The following ASB2 variants were observed in gnomAD, a reference collection of about 807,000 sequenced individuals.
The protein encoded by ASB2 is ankyrin repeat and SOCS box containing 2.
ASB2 carries 58 observed loss-of-function variants against 62.4 expected under a neutral mutation model. The ratio of observed to expected loss-of-function variants is 0.93; its 90% CI spans 0.75 to 1.16. The LOEUF is 1.16. Ranked by LOEUF, ASB2 falls within the 50% of genes most tolerant of loss-of-function variation. The pLI is 0.00. For synonymous variants in ASB2, 386 were observed against 385.3 expected (o/e 1.00, Z -0.02); for missense variants, 928 against 887.9 (o/e 1.05, Z -0.57).
intron 1 of ASB2, among the ~76,000 whole-genome samples, chr14:93,969,555 G>A (rs559529756): frequency 6.6e-6 from 1 of 152,310 alleles, no homozygotes; most frequent in South Asian, 2.1e-4. Context: ...CTCTGTCTGG[G>A]GGTTGGGCGG....
At chr14:93,961,751 G>C (rs59530016) in intron 2 of ASB2, among the ~76,000 whole-genome samples, 277 of 152,356 alleles carry the variant, frequency 1.8e-3, no homozygotes, top group African/African-American at 5.7e-3. Context: ...ACTGTAATGC[G>C]TGTCTGGGTG....
At chr14:93,939,083 C>T (rs1303788705) in intron 8 of ASB2, 25 bp downstream of exon 8, 1 of 1,436,720 alleles carries the variant, frequency 7.0e-7, no homozygotes, top group South Asian at 1.5e-5. Flanking sequence ...AGGCGTGCTC[C>T]CCACCGCCAG....
chr14:93,964,403 G>C lies in ASB2; in HGVS notation c.137C>G (p.Pro46Arg). 6.5e-7 allele frequency: 1 copy of C among 1,536,078 alleles called. No homozygotes were observed. Among genetic ancestry groups the C allele is most frequent in the African/African-American group, 1.4e-5 (1 of 73,134 alleles). The change falls in exon 2 of 10, where the codon CCA (proline) becomes CGA (arginine). Residue 46 changes from proline to arginine, a missense_variant. Physicochemically the swap from Pro to Arg is moderately radical, Grantham distance 103. Coordinates refer to ENST00000555019, the MANE Select transcript of ASB2 (RefSeq NM_001202429.2). ...AGACGCGGTGGCCTCAGCAGTGGTT[G>C]GGCCCCTTGTCTTGTCCGCTAGGCT... ...EQSLADKTRG[P>R]TTAEATASAC... is the part of the protein sequence containing the mutation.
intron 2 of ASB2, among the ~76,000 whole-genome samples, chr14:93,961,983 TA>T (rs1567030470): frequency 1.3e-5 from 2 of 152,092 alleles, no homozygotes; most frequent in Non-Finnish European, 2.9e-5. Flanking sequence ...TTGTCGTCTG[TA>T]AAATGGGCAC....
chr14:93,973,609 C>T lies in ASB2; in HGVS notation c.-74+2825G>A, dbSNP rs1034025888. 3.3e-5 allele frequency among the ~76,000 whole-genome samples: 5 copies of T among 152,242 alleles called. No individual in the cohort carries two copies. The East Asian group carries it at 9.6e-4, about 29-fold the overall frequency. ...CAGTTTACTTCTTTGGGCCCCTGAG[C>T]TATTGAGTCTCCAGGCCCATGGGTG... On this transcript the variant is annotated intron_variant, in intron 1 of 9. Coordinates refer to ENST00000555019, the MANE Select transcript of ASB2 (RefSeq NM_001202429.2).
chr14:93,963,072 C>T (rs1332819661), intron 2 of ASB2, among the ~76,000 whole-genome samples: 2 of 152,230 alleles, frequency 1.3e-5, no homozygotes, highest in African/African-American at 2.4e-5. Context: ...TGGGCCTCTG[C>T]CCAGCCAGCC....
At chr14:93,940,145 A>G in intron 7 of ASB2, 1 of 157,690 alleles carries the variant, frequency 6.3e-6, no homozygotes, top group Non-Finnish European at 1.4e-5. Context: ...TCCTCCCTGC[A>G]GGAGGCAGTA....
At position 93,956,890 on chromosome 14, in the gene ASB2, A is replaced by G. The variant is rs373447573; in HGVS notation, c.207-20T>C. 4.6e-5 allele frequency: 75 copies of G among 1,614,000 alleles called. No homozygotes were observed. The Middle Eastern group carries it at 4.9e-4, about 11-fold the overall frequency. ...GTGGACCTGGAGGGTGCAGAGCAGG[A>G]GTGAAAGAGGGAAAAGTACTCTGCA... On this transcript the variant is annotated intron_variant, in intron 2 of 9. Transcript: ENST00000555019.
At position 93,947,710 on chromosome 14, in the gene ASB2, G is replaced by A. The variant is rs11622791; in HGVS notation, c.881-190C>T. On this transcript the variant is annotated intron_variant, in intron 6 of 9. Transcript: ENST00000555019. ...TCTTTCAACAACATCAAGACCTAGG[G>A]GCCTGGCCAGGCGTGGCTCATGCCT... Among the ~76,000 whole-genome samples, 466 of 152,230 alleles carry A rather than the reference G, an allele frequency of 3.1e-3. 1 individual carries two copies. Among genetic ancestry groups the A allele is most frequent in the Middle Eastern group, 0.014 (4 of 294 alleles).
chr14:93,959,735 G>A (rs1889344586), intron 2 of ASB2, among the ~76,000 whole-genome samples: 1 of 152,076 alleles, frequency 6.6e-6, no homozygotes, highest in African/African-American at 2.4e-5. Flanking sequence ...GTCAGCCTCA[G>A]TGAGAGCAGA....
intron 7 of ASB2, among the ~76,000 whole-genome samples, chr14:93,944,838 C>T (rs139411166): frequency 6.1e-4 from 93 of 152,334 alleles, no homozygotes; most frequent in Admixed American, 1.4e-3. Flanking sequence ...CAGGACGCGC[C>T]TTACTCTCTG....
intron 1 of ASB2, among the ~76,000 whole-genome samples, chr14:93,970,873 G>C (rs1889738169): frequency 6.6e-6 from 1 of 152,204 alleles, no homozygotes; most frequent in Admixed American, 6.5e-5. Context: ...GGTGTTGTCA[G>C]GTGAAATTAG....
At position 93,957,292 on chromosome 14, in the gene ASB2, A is replaced by G. The variant is rs554160033; in HGVS notation, c.207-422T>C. 5.9e-5 allele frequency: 66 copies of G among 1,110,598 alleles called. No individual in the cohort carries two copies. In the African/African-American group the frequency reaches 9.0e-4, roughly 15 times the overall value. The allele number at this position is 1,110,598 out of a possible 1,614,324, so 68.8% of individuals were successfully genotyped here. A position where few individuals can be genotyped will look rare whatever the true frequency, so the allele number is the denominator to read the frequency against. Reference sequence around the variant, plus strand: ...GCAGATCCCTGCGGGGCTGGATGAGAGATTCATGGCAAAGCAGAGGATAGG... The same window carrying G: ...GCAGATCCCTGCGGGGCTGGATGAGGGATTCATGGCAAAGCAGAGGATAGG... On this transcript the variant is annotated intron_variant, in intron 2 of 9. Coordinates refer to ENST00000555019, the MANE Select transcript of ASB2 (RefSeq NM_001202429.2).
intron 1 of ASB2, among the ~76,000 whole-genome samples, chr14:93,964,835 G>A (rs1187135332): frequency 6.6e-6 from 1 of 150,840 alleles, no homozygotes; most frequent in Non-Finnish European, 1.5e-5. Context: ...ATCCATTTAT[G>A]CATCCTCCCA....
rs112209615 is a variant in ASB2, at chr14:93,946,971, A to G, written c.1052+378T>C. On this transcript the variant is annotated intron_variant, in intron 7 of 9. Transcript: ENST00000555019. ...TGGAGCAGGTGAGTACCTGCCGCCTATGAGCTGTGTGACCTTGGGCAAGTC... is the reference window on the plus strand; with the variant it reads ...TGGAGCAGGTGAGTACCTGCCGCCTGTGAGCTGTGTGACCTTGGGCAAGTC... 3.3e-3 allele frequency among the ~76,000 whole-genome samples: 508 copies of G among 152,300 alleles called. 2 individuals are homozygous for G. The highest frequency in any genetic ancestry group is 0.012 in the African/African-American group (486 of 41,560).
At chr14:93,941,361 C>A (rs1888512922) in intron 7 of ASB2, 1 of 306,718 alleles carries the variant, frequency 3.3e-6, no homozygotes, top group African/African-American at 2.2e-5. Context: ...AAGCAGGTGC[C>A]ACCAGGCCCA....
chr14:93,961,860 G>A (rs1889416366), intron 2 of ASB2, among the ~76,000 whole-genome samples: 1 of 152,188 alleles, frequency 6.6e-6, no homozygotes, highest in African/African-American at 2.4e-5. Context: ...CCTCAAGGTG[G>A]GGTAGGGGAA....
At position 93,934,833 on chromosome 14, in the gene ASB2, G is replaced by A. The variant is rs142780272; in HGVS notation, c.1772-41C>T. On this transcript the variant is annotated intron_variant, in intron 9 of 9. Coordinates refer to ENST00000555019, the MANE Select transcript of ASB2 (RefSeq NM_001202429.2). Reference sequence around the variant, plus strand: ...AAAGACAGAGGCTGATTTGTCATTTGCAATAAGCAAAGGGATTGCATCTGT... The same window carrying A: ...AAAGACAGAGGCTGATTTGTCATTTACAATAAGCAAAGGGATTGCATCTGT... 2.4e-5 allele frequency: 37 copies of A among 1,574,260 alleles called. No individual in the cohort carries two copies. The Middle Eastern group carries it at 6.7e-4, about 29-fold the overall frequency.
intron 1 of ASB2, among the ~76,000 whole-genome samples, chr14:93,974,898 G>A (rs1160316677): frequency 6.6e-6 from 1 of 152,244 alleles, no homozygotes; most frequent in Non-Finnish European, 1.5e-5. Flanking sequence ...GCGTGGGTTA[G>A]ACAGTGTCCC....
Sources: gnomAD v4.1 joint callset for allele counts (sites outside exome capture counted in the v4.1 genomes callset) on GRCh38, gnomAD v4.1.1 for gene constraint, MANE v1.5 for transcripts, NCBI Gene and HGNC (gene_info 2026-07-23, HGNC 2026-07-21) for gene names.